Variants in PDHA1 observed in about 807,000 individuals in gnomAD.
PDHA1 encodes pyruvate dehydrogenase E1 subunit alpha 1.
PDHA1 carries 1 observed loss-of-function variant against 33.0 expected under a neutral mutation model. The observed-to-expected ratio is 0.03, with a 90% CI of 0.01 to 0.14. The LOEUF (loss-of-function observed/expected upper bound fraction) is 0.14, where lower values mean the gene tolerates loss of function less well. Ranked by LOEUF, PDHA1 falls within the 10% of genes least tolerant of loss-of-function variation. PDHA1 has a pLI of 1.00. For missense variants in PDHA1, 168 were observed against 325.1 expected (o/e 0.52, Z 3.72); for synonymous variants, 123 against 119.2 (o/e 1.03, Z -0.21).
intron 8 of PDHA1, among the ~76,000 whole-genome samples, chrX:19,356,500 T>C (rs990571173): frequency 9.0e-6 from 1 of 111,307 alleles, no homozygotes; most frequent in African/African-American, 3.3e-5. Context: ...TAAGAGCTAA[T>C]GAGTAGAATG....
intron 3 of PDHA1, 139 bp from the exon 4 acceptor site, chrX:19,351,142 T>G: frequency 1.6e-6 from 1 of 612,098 alleles, no homozygotes; most frequent in Non-Finnish European, 2.7e-6. Flanking sequence ...CCACTCTGTA[T>G]TTTGGTGGAA....
chrX:19,349,034 A>G (rs2063149711), intron 1 of PDHA1, among the ~76,000 whole-genome samples: 1 of 112,222 alleles, frequency 8.9e-6, no homozygotes, highest in Non-Finnish European at 1.9e-5. Context: ...TATTCTCACT[A>G]TAATTTCTTT....
At chrX:19,355,322 GA>G in intron 6 of PDHA1, 26 bp from the exon 7 acceptor site, 2 of 1,208,317 alleles carry the variant, frequency 1.7e-6, no homozygotes, top group Non-Finnish European at 2.2e-6. Flanking sequence ...GAAGCCAAAT[GA>G]AACCCCTTTT....
At position 19,361,616 on chromosome X, in the gene PDHA1, ATATAT is replaced by A. The variant is rs745681893; in HGVS notation, c.*1966_*1970del. On this transcript the variant is annotated 3_prime_UTR_variant, in exon 11 of 11. Coordinates refer to ENST00000422285, the MANE Select transcript of PDHA1 (RefSeq NM_000284.4). ...TACCTGTAACGATTGGCAATTTGTTATATATTAGTCTAACCATAAAACTCTTCAAA... is the reference window on the plus strand; with the variant it reads ...TACCTGTAACGATTGGCAATTTGTTATAGTCTAACCATAAAACTCTTCAAA... 9.4e-7 allele frequency: 1 copy of A among 1,066,951 alleles called. No individual in the cohort carries two copies. The highest frequency in any genetic ancestry group is 1.9e-5 in the South Asian group (1 of 51,775). 87.9% of individuals were successfully genotyped at this position (1,066,951 alleles called of 1,213,427 possible).
rs1184797025 is a variant in PDHA1, at chrX:19,358,893, TTAC to T, written c.900-18_900-16del. 2 of 918,688 alleles carry T rather than the reference TTAC, an allele frequency of 2.2e-6. No homozygotes were observed. The highest frequency in any genetic ancestry group is 3.2e-6 in the Non-Finnish European group (2 of 627,918). The allele number at this position is 918,688 out of a possible 1,213,427, so 75.7% of individuals were successfully genotyped here. A position where few individuals can be genotyped will look rare whatever the true frequency, so the allele number is the denominator to read the frequency against. On this transcript the variant is annotated intron_variant, in intron 9 of 10. Coordinates refer to ENST00000422285, the MANE Select transcript of PDHA1 (RefSeq NM_000284.4). ...TACTGGAACTGCTCTTACTGATCGATTACTACTTTTCCCTCCCCATAGTTACCG... is the reference window on the plus strand; with the variant it reads ...TACTGGAACTGCTCTTACTGATCGATTACTTTTCCCTCCCCATAGTTACCG...
chrX:19,350,867 C>T (rs1419540692), intron 3 of PDHA1, among the ~76,000 whole-genome samples: 5 of 111,678 alleles, frequency 4.5e-5, no homozygotes, highest in Non-Finnish European at 9.4e-5. Flanking sequence ...GTGACAGGGA[C>T]TCATGCTGAA....
At chrX:19,353,998 G>A (rs993039192) in intron 5 of PDHA1, among the ~76,000 whole-genome samples, 6 of 110,968 alleles carry the variant, frequency 5.4e-5, no homozygotes, top group African/African-American at 2.0e-4. Flanking sequence ...GCCCAGGCTG[G>A]AGCAGTGGTG....
At chrX:19,351,512 C>G in intron 4 of PDHA1, 105 bp downstream of exon 4, 1 of 725,420 alleles carries the variant, frequency 1.4e-6, no homozygotes, top group Non-Finnish European at 2.1e-6. Flanking sequence ...TTTTAAGTTT[C>G]TTTTTTTAAC....
chrX:19,358,736 T>A (rs2063226083), intron 9 of PDHA1, among the ~76,000 whole-genome samples, 180 bp from the exon 10 acceptor site: 1 of 111,891 alleles, frequency 8.9e-6, no homozygotes, highest in African/African-American at 3.3e-5. Context: ...TTTGAAAGTA[T>A]AACAACAACT....
At chrX:19,354,960 G>A (rs1435467509) in intron 6 of PDHA1, among the ~76,000 whole-genome samples, 1 of 112,684 alleles carries the variant, frequency 8.9e-6, no homozygotes, top group Admixed American at 9.4e-5. Flanking sequence ...TGCTTCTCTT[G>A]TTACCGAGTA....
rs745758119 is a variant in PDHA1, at chrX:19,343,987, C to T, written c.-51C>T. ...GAAGGAGACTTGGGGGCACCCGCGT[C>T]GTGCCTCCTGGGTTGTGAGGAGTCG... On this transcript the variant is annotated 5_prime_UTR_variant, in exon 1 of 11. Coordinates refer to ENST00000422285, the MANE Select transcript of PDHA1 (RefSeq NM_000284.4). The T allele has an allele frequency of 1.7e-6, 2 of 1,146,261 alleles. No individual in the cohort carries two copies. The highest frequency in any genetic ancestry group is 1.8e-5 in the South Asian group (1 of 54,973). The allele number at this position is 1,146,261 out of a possible 1,213,427, so 94.5% of individuals were successfully genotyped here.
At chrX:19,352,931 CAT>C (rs760891310) in intron 4 of PDHA1, 149 bp from the exon 5 acceptor site, 17 of 546,468 alleles carry the variant, frequency 3.1e-5, no homozygotes, top group East Asian at 3.0e-4. Flanking sequence ...CAAGGAGAAA[CAT>C]GTGTTTGCCT....
At chrX:19,345,753 C>CCT (rs1555932617) in intron 1 of PDHA1, 1 of 268,374 alleles carries the variant, frequency 3.7e-6, no homozygotes, top group African/African-American at 3.2e-5. Context: ...GGTCCCCCCC[C>CCT]CCCCGCCACC....
Position 19,349,331 on chromosome X carries a change from C to T in PDHA1, c.77C>T (p.Ala26Val). 2 of 1,189,376 alleles carry T rather than the reference C, an allele frequency of 1.7e-6. No homozygotes were observed. The highest frequency in any genetic ancestry group is 3.5e-5 in the African/African-American group (2 of 57,520). ...TTTAAGGCAAGCAGAGTGCTGGTAG[C>T]ATCCCGTAATTTTGCAAATGATGCT... ...SQKPASRVLVASRNFANDATF... is the reference protein window; with the variant it reads ...SQKPASRVLVVSRNFANDATF... Residue 26 changes from alanine to valine, a missense_variant, in exon 2 of 11, where the codon GCA (alanine) becomes GTA (valine). Coordinates refer to ENST00000422285, the MANE Select transcript of PDHA1 (RefSeq NM_000284.4).
intron 9 of PDHA1, 25 bp from the exon 10 acceptor site, chrX:19,358,891 G>T (rs999869133): frequency 2.2e-6 from 2 of 904,177 alleles, no homozygotes; most frequent in South Asian, 2.0e-5. Flanking sequence ...CTTACTGATC[G>T]ATTACTACTT....
intron 4 of PDHA1, 140 bp from the exon 5 acceptor site, chrX:19,352,942 C>T (rs1303285856): frequency 1.8e-6 from 1 of 561,679 alleles, no homozygotes; most frequent in African/African-American, 2.2e-5. Context: ...ATGTGTTTGC[C>T]TGGAGGGACA....
chrX:19,353,303 A>G, intron 5 of PDHA1, 130 bp downstream of exon 5: 2 of 556,933 alleles, frequency 3.6e-6, no homozygotes, highest in Non-Finnish European at 6.4e-6. Context: ...GCTTTGGTCA[A>G]TGTCGCATAT....
At chrX:19,352,062 G>A (rs1447039006) in intron 4 of PDHA1, among the ~76,000 whole-genome samples, 1 of 108,698 alleles carries the variant, frequency 9.2e-6, no homozygotes, top group Non-Finnish European at 1.9e-5. Context: ...GCCTCCCAAA[G>A]TGTGCTGGGG....
chrX:19,355,862 G>A (rs1477623594), intron 8 of PDHA1, 105 bp downstream of exon 8: 1 of 611,503 alleles, frequency 1.6e-6, no homozygotes, highest in African/African-American at 2.2e-5. Context: ...GCTAATTGAG[G>A]TGCATGAGAT....
Sources: gnomAD v4.1 joint callset for allele counts (sites outside exome capture counted in the v4.1 genomes callset) on GRCh38, gnomAD v4.1.1 for gene constraint, MANE v1.5 for transcripts, NCBI Gene and HGNC (gene_info 2026-07-23, HGNC 2026-07-21) for gene names.